The following AIG1 variants were observed in gnomAD, a reference collection of about 807,000 sequenced individuals.
AIG1 encodes the protein androgen induced 1.
In AIG1, 23 loss-of-function variants were observed where a neutral mutation model predicts 31.4. The observed-to-expected ratio is 0.73, with a 90% CI of 0.53 to 1.04. AIG1 has a LOEUF of 1.04. Ranked by LOEUF, AIG1 falls within the 50% of genes least tolerant of loss-of-function variation. AIG1 has a pLI of 0.00. For missense variants in AIG1, 274 were observed against 295.0 expected (o/e 0.93, Z 0.52); for synonymous variants, 100 against 110.5 (o/e 0.90, Z 0.60).
chr6:143,085,346 G>A (rs931078398), intron 1 of AIG1, among the ~76,000 whole-genome samples: 14 of 152,102 alleles, frequency 9.2e-5, no homozygotes, highest in African/African-American at 3.1e-4. Flanking sequence ...TTTCCAGGAC[G>A]TATAACAACC....
intron 5 of AIG1, chr6:143,339,410 C>A (rs1211892931): frequency 4.9e-6 from 2 of 405,430 alleles, no homozygotes; most frequent in African/African-American, 2.1e-5. Context: ...ATGCTGTGTC[C>A]TGATTCTGTG....
At chr6:143,245,068 T>C (rs1794519482) in intron 3 of AIG1, among the ~76,000 whole-genome samples, 1 of 152,252 alleles carries the variant, frequency 6.6e-6, no homozygotes, top group African/African-American at 2.4e-5. Context: ...TCTCTTTTAG[T>C]TGGAGAACGG....
intron 1 of AIG1, among the ~76,000 whole-genome samples, chr6:143,119,464 G>A (rs1433769073): frequency 2.0e-5 from 3 of 152,196 alleles, no homozygotes; most frequent in Non-Finnish European, 4.4e-5. Flanking sequence ...CAGGCAGGCA[G>A]CTTGTACTTA....
At chr6:143,125,466 C>T (rs541272089) in intron 1 of AIG1, among the ~76,000 whole-genome samples, 1 of 152,284 alleles carries the variant, frequency 6.6e-6, no homozygotes, top group South Asian at 2.1e-4. Context: ...ATTCAGTGTT[C>T]AAAAAGTTCA....
At chr6:143,218,523 C>T (rs1379444261) in intron 3 of AIG1, among the ~76,000 whole-genome samples, 27 of 152,144 alleles carry the variant, frequency 1.8e-4, no homozygotes, top group Admixed American at 1.8e-3. Context: ...ACTTGCTGTC[C>T]CTGAAGCAAG....
At chr6:143,184,412 A>T (rs1789034287) in intron 3 of AIG1, among the ~76,000 whole-genome samples, 1 of 152,184 alleles carries the variant, frequency 6.6e-6, no homozygotes, top group Non-Finnish European at 1.5e-5. Context: ...CGTGGGCATC[A>T]CATTCTGCCT....
chr6:143,291,282 A>T lies in AIG1; in HGVS notation c.515+7057A>T, dbSNP rs1798043821. On this transcript the variant is annotated intron_variant, in intron 4 of 5. Transcript: ENST00000357847. This position sits in a 1 kb window ranked among gnomAD's most constrained non-coding sequence, Gnocchi z 4.2. ...AGGTTGCTGGAGTTGAGCTGTCTTG[A>T]TGGTGGCCCACCCAAGAAAGAATGG... 2.0e-5 allele frequency among the ~76,000 whole-genome samples: 3 copies of T among 152,116 alleles called. No individual in the cohort carries two copies. The highest frequency in any genetic ancestry group is 4.4e-5 in the Non-Finnish European group (3 of 68,012).
Position 143,337,859 on chromosome 6 carries a change from A to C in AIG1, c.680-1780A>C, listed in dbSNP as rs959236753. Reference sequence around the variant, plus strand: ...TGCAGTCTTGTCCCCTCTGGTCCCAAAAGTGTATCCTGCCTTCGCTTTGCG... The same window carrying C: ...TGCAGTCTTGTCCCCTCTGGTCCCACAAGTGTATCCTGCCTTCGCTTTGCG... On this transcript the variant is annotated intron_variant, in intron 5 of 5. Transcript: ENST00000357847. 2.8e-4 allele frequency: 111 copies of C among 397,434 alleles called. 1 individual carries two copies. The highest frequency in any genetic ancestry group is 2.1e-3 in the African/African-American group (103 of 48,606). 24.6% of individuals were successfully genotyped at this position (397,434 alleles called of 1,614,324 possible).
At chr6:143,093,547 T>C (rs1424625534) in intron 1 of AIG1, among the ~76,000 whole-genome samples, 1 of 152,234 alleles carries the variant, frequency 6.6e-6, no homozygotes, top group Non-Finnish European at 1.5e-5. Context: ...AGTAGTACTT[T>C]TAATTTCTTT....
intron 4 of AIG1, among the ~76,000 whole-genome samples, chr6:143,317,682 T>C (rs913532408): frequency 6.6e-6 from 1 of 152,006 alleles, no homozygotes; most frequent in Admixed American, 6.6e-5. Flanking sequence ...GGCATCCAAA[T>C]TGGTATAGAG....
At position 143,262,178 on chromosome 6, in the gene AIG1, A is replaced by G. The variant is rs182894332; in HGVS notation, c.400-21932A>G. ...TATATTGCTTAGCAAAATCATCTCT[A>G]TATTAAAACCACTTGTAAATTTAAA... On this transcript the variant is annotated intron_variant, in intron 3 of 5. Transcript: ENST00000357847. Among the ~76,000 whole-genome samples, 97 of 152,362 alleles carry G rather than the reference A, an allele frequency of 6.4e-4. 1 individual carries two copies. Among genetic ancestry groups the G allele is most frequent in the Admixed American group, 1.4e-3 (22 of 15,310 alleles).
chr6:143,205,740 G>A (rs899454071), intron 3 of AIG1, among the ~76,000 whole-genome samples: 1 of 152,158 alleles, frequency 6.6e-6, no homozygotes, highest in African/African-American at 2.4e-5. Context: ...ATTGATTAAT[G>A]TAATATTGCA....
At chr6:143,302,395 C>T (rs565295094) in intron 4 of AIG1, among the ~76,000 whole-genome samples, 1 of 151,660 alleles carries the variant, frequency 6.6e-6, no homozygotes, top group South Asian at 2.1e-4. Flanking sequence ...CCACAACAGT[C>T]CTCAGAGTGT....
chr6:143,271,935 G>T (rs569557088), intron 3 of AIG1, among the ~76,000 whole-genome samples: 5 of 152,244 alleles, frequency 3.3e-5, no homozygotes, highest in African/African-American at 1.2e-4. Flanking sequence ...GGAAAAAGAA[G>T]ATTTGCTTAA....
At chr6:143,192,948 T>C (rs1053499995) in intron 3 of AIG1, among the ~76,000 whole-genome samples, 1 of 152,152 alleles carries the variant, frequency 6.6e-6, no homozygotes, top group Admixed American at 6.5e-5. Flanking sequence ...TCACATTTGT[T>C]CCCTAAGTAG....
At chr6:143,109,305 C>G (rs1421547595) in intron 1 of AIG1, among the ~76,000 whole-genome samples, 1 of 152,128 alleles carries the variant, frequency 6.6e-6, no homozygotes, top group African/African-American at 2.4e-5. Flanking sequence ...TTCCAACTTT[C>G]AGCTATCAAG....
At position 143,334,785 on chromosome 6, in the gene AIG1, G is replaced by C. The variant is rs540892680; in HGVS notation, c.679+1340G>C. 1.3e-5 allele frequency among the ~76,000 whole-genome samples: 2 copies of C among 152,140 alleles called. No individual in the cohort carries two copies. Among genetic ancestry groups the C allele is most frequent in the Admixed American group, 1.3e-4 (2 of 15,270 alleles). On this transcript the variant is annotated intron_variant, in intron 5 of 5. Transcript: ENST00000357847. This position sits in a 1 kb window ranked among gnomAD's most constrained non-coding sequence, Gnocchi z 5.1. ...GAATGTGTCCAATATATGTTATTCA[G>C]GAAGTACTTAAGTACCTGCTTACAC... is the stretch of plus-strand genomic sequence containing the variant.
At chr6:143,243,520 A>G (rs1794403217) in intron 3 of AIG1, among the ~76,000 whole-genome samples, 1 of 152,194 alleles carries the variant, frequency 6.6e-6, no homozygotes, top group Non-Finnish European at 1.5e-5. Context: ...AACCCAATAA[A>G]GTATCATAGA....
intron 3 of AIG1, among the ~76,000 whole-genome samples, chr6:143,180,527 A>G (rs1562464538): frequency 6.6e-6 from 1 of 152,224 alleles, no homozygotes; most frequent in Non-Finnish European, 1.5e-5. Flanking sequence ...TACTGAAAGC[A>G]ATAAATAAAT....
Sources: allele counts gnomAD v4.1 joint callset (sites outside exome capture counted in the v4.1 genomes callset), GRCh38; gene constraint gnomAD v4.1.1; non-coding constraint Gnocchi (gnomAD v3.1); transcripts MANE v1.5; gene names NCBI Gene and HGNC (gene_info 2026-07-23, HGNC 2026-07-21).